CDC14A: variants seen among roughly 807,000 people sequenced by gnomAD.
CDC14A encodes the protein cell division cycle 14A, also known as dual specificity protein phosphatase CDC14A.
In CDC14A, 53 loss-of-function variants were observed where a neutral mutation model predicts 74.4. The ratio of observed to expected loss-of-function variants is 0.71; its 90% CI spans 0.57 to 0.89. The LOEUF (loss-of-function observed/expected upper bound fraction) is 0.89. Among genes scored for constraint, CDC14A ranks in the 40% least tolerant of loss-of-function variants. CDC14A has a pLI of 0.00. For missense variants in CDC14A, 646 were observed against 713.7 expected (o/e 0.91, Z 1.08); for synonymous variants, 247 against 258.4 (o/e 0.96, Z 0.43).
At chr1:100,466,535 C>A (rs1024524080) in intron 9 of CDC14A, among the ~76,000 whole-genome samples, 12 of 152,104 alleles carry the variant, frequency 7.9e-5, no homozygotes, top group African/African-American at 2.9e-4. Flanking sequence ...AGAACACACA[C>A]ACACACCTCA....
upstream of CDC14A, chr1:100,351,912 G>C (rs1011406614): frequency 2.3e-5 from 24 of 1,028,152 alleles, no homozygotes; most frequent in Non-Finnish European, 3.3e-5. Context: ...TGTTGGGCGT[G>C]GGGGGTGGCT....
chr1:100,389,180 C>CAAA (rs1196346245), intron 3 of CDC14A, among the ~76,000 whole-genome samples: 3 of 52,232 alleles, frequency 5.7e-5, no homozygotes, highest in African/African-American at 1.4e-4. Context: ...GACCCTGTCT[C>CAAA]AAAAAAAAAA....
chr1:100,503,694 CA>C (rs1168185583), intron 15 of CDC14A, among the ~76,000 whole-genome samples: 1 of 152,146 alleles, frequency 6.6e-6, no homozygotes, highest in African/African-American at 2.4e-5. Flanking sequence ...AATGCACACA[CA>C]CAAGGTTACA....
At chr1:100,485,905 A>G (rs1188531579) in intron 11 of CDC14A, 1 of 152,216 alleles carries the variant, frequency 6.6e-6, no homozygotes, top group Admixed American at 6.5e-5. Flanking sequence ...TGATGAGGTG[A>G]CTAAGTTTAC....
intron 2 of CDC14A, among the ~76,000 whole-genome samples, chr1:100,364,925 A>G (rs1299782369): frequency 2.0e-5 from 3 of 152,182 alleles, no homozygotes; most frequent in Non-Finnish European, 2.9e-5. Context: ...GCACTCACTT[A>G]TTTTACAGAA....
rs772746684 is a variant in CDC14A at position 100,455,502 on chromosome 1, T to G, written c.607+10T>G. On this transcript the variant is annotated intron_variant, in intron 8 of 15. Coordinates refer to ENST00000336454, the MANE Select transcript of CDC14A (RefSeq NM_003672.4). ...AGCAAAATTGAGAATGGTAGGTTTT[T>G]TTTTCCTTTACCATCCAAACATTTA... 8.0e-6 allele frequency: 12 copies of G among 1,496,848 alleles called. No homozygotes were observed. Among genetic ancestry groups the G allele is most frequent in the Non-Finnish European group, 1.1e-5 (12 of 1,093,182 alleles). The allele number at this position is 1,496,848 out of a possible 1,614,324, so 92.7% of individuals were successfully genotyped here.
At chr1:100,472,776 T>C (rs976590954) in intron 10 of CDC14A, among the ~76,000 whole-genome samples, 11 of 152,144 alleles carry the variant, frequency 7.2e-5, no homozygotes, top group Non-Finnish European at 1.2e-4. Context: ...TTCTTTTTTT[T>C]TGGCCTATGC....
intron 4 of CDC14A, among the ~76,000 whole-genome samples, chr1:100,420,129 T>G (rs12131483): frequency 0.025 from 3,276 of 129,332 alleles, 90 homozygotes; most frequent in Middle Eastern, 0.069. Flanking sequence ...GGTTTTTTTT[T>G]TTTTTTTTTT....
intron 5 of CDC14A, among the ~76,000 whole-genome samples, chr1:100,426,287 A>G (rs1040627606): frequency 6.6e-6 from 1 of 151,990 alleles, no homozygotes; most frequent in Non-Finnish European, 1.5e-5. Flanking sequence ...TAATTTTTGT[A>G]TTTTTAGTAG....
intron 5 of CDC14A, among the ~76,000 whole-genome samples, chr1:100,425,773 C>T (rs949801230): frequency 6.6e-5 from 10 of 152,294 alleles, no homozygotes; most frequent in African/African-American, 2.4e-4. Context: ...TCTAATGGCT[C>T]CTATACTTTG....
intron 4 of CDC14A, among the ~76,000 whole-genome samples, chr1:100,395,770 G>C (rs1192961974): frequency 6.6e-6 from 1 of 152,108 alleles, no homozygotes; most frequent in Non-Finnish European, 1.5e-5. Context: ...TTTCTGATCT[G>C]ACCCTCTCTA....
At position 100,462,651 on chromosome 1, in the gene CDC14A, G is replaced by A. The variant is rs777435637; in HGVS notation, c.608G>A (p.Gly203Asp). 6.2e-7 allele frequency: 1 copy of A among 1,612,740 alleles called. No homozygotes were observed. Among genetic ancestry groups the A allele is most frequent in the Non-Finnish European group, 8.5e-7 (1 of 1,178,908 alleles). ...GPHPKSKIEN[G>D]YPLHAPEAYF... Reference sequence around the variant, plus strand: ...GCTTACTGCTCCTTTGTTCCTTTAGGTTATCCTCTTCACGCCCCTGAAGCC... The same window carrying A: ...GCTTACTGCTCCTTTGTTCCTTTAGATTATCCTCTTCACGCCCCTGAAGCC... The change falls in exon 9 of 16, where the codon GGT becomes GAT. Residue 203 changes from glycine (G) to aspartate (D), a missense_variant and splice_region_variant. Coordinates refer to ENST00000336454, the MANE Select transcript of CDC14A (RefSeq NM_003672.4).
At position 100,352,556 on chromosome 1, in the gene CDC14A, A is replaced by AGT; in HGVS notation, c.-398_-397dup. 1 of 1,041,580 alleles carries AGT rather than the reference A, an allele frequency of 9.6e-7. No homozygotes were observed. Among genetic ancestry groups the AGT allele is most frequent in the Non-Finnish European group, 1.2e-6 (1 of 866,528 alleles). The allele number at this position is 1,041,580 out of a possible 1,614,324, so 64.5% of individuals were successfully genotyped here. ...CTGAAGTCCTCCCGGCTGCCGCTCG[A>AGT]GTAGCCACGGGCGCGATCGGGACCA... On this transcript the variant is annotated 5_prime_UTR_variant, in exon 1 of 16. Coordinates refer to ENST00000336454, the MANE Select transcript of CDC14A (RefSeq NM_003672.4).
At chr1:100,417,833 A>G (rs1425218599) in intron 4 of CDC14A, among the ~76,000 whole-genome samples, 2 of 152,202 alleles carry the variant, frequency 1.3e-5, no homozygotes, top group Non-Finnish European at 2.9e-5. Context: ...TCTTATCCTT[A>G]TATGTTTAAA....
chr1:100,487,572 GAACA>G (rs1670162020), intron 11 of CDC14A, among the ~76,000 whole-genome samples: 1 of 150,974 alleles, frequency 6.6e-6, no homozygotes, highest in African/African-American at 2.5e-5. Flanking sequence ...AAACAAAACA[GAACA>G]AAACAAAACA....
chr1:100,405,614 G>A (rs1428021305), intron 4 of CDC14A, among the ~76,000 whole-genome samples: 1 of 152,206 alleles, frequency 6.6e-6, no homozygotes, highest in Admixed American at 6.5e-5. Context: ...CCACTTATGA[G>A]TGAGAACATG....
Position 100,462,897 on chromosome 1 carries a change from C to T in CDC14A, c.838+16C>T, listed in dbSNP as rs1413881926. 4.4e-6 allele frequency: 7 copies of T among 1,594,360 alleles called. No individual in the cohort carries two copies. In the Admixed American group the frequency reaches 6.7e-5, roughly 15 times the overall value. ...CACTGCAAAGGTGTGTGCAAGGCCT[C>T]GGTGGTGGTGGCTGTGCTTATCGAA... is the stretch of plus-strand genomic sequence containing the variant. On this transcript the variant is annotated intron_variant, in intron 9 of 15. Coordinates refer to ENST00000336454, the MANE Select transcript of CDC14A (RefSeq NM_003672.4).
At chr1:100,496,109 G>A (rs956246806) in intron 13 of CDC14A, 60 bp downstream of exon 13, 3 of 1,432,402 alleles carry the variant, frequency 2.1e-6, no homozygotes, top group Non-Finnish European at 2.9e-6. Flanking sequence ...TTTTAGCCAT[G>A]TTTCCCAAGC....
intron 7 of CDC14A, among the ~76,000 whole-genome samples, chr1:100,445,902 G>T (rs577953489): frequency 2.6e-5 from 4 of 152,162 alleles, no homozygotes; most frequent in African/African-American, 9.7e-5. Flanking sequence ...CCACTATTGT[G>T]ATTGGCAGGT....
Sources: gnomAD v4.1 joint callset for allele counts (sites outside exome capture counted in the v4.1 genomes callset) on GRCh38, gnomAD v4.1.1 for gene constraint, MANE v1.5 for transcripts, NCBI Gene and HGNC (gene_info 2026-07-23, HGNC 2026-07-21) for gene names.